MAPK9: variants seen among roughly 807,000 people sequenced by gnomAD.
MAPK9 encodes the protein Jun kinase.
In MAPK9, 30 loss-of-function variants were observed where a neutral mutation model predicts 57.1. That is an observed-to-expected ratio of 0.53 (90% CI 0.39 to 0.71). The LOEUF (loss-of-function observed/expected upper bound fraction) is 0.71, where lower values mean the gene tolerates loss of function less well. MAPK9 is among the 30% of genes least tolerant of loss of function. MAPK9 has a pLI of 0.00. For synonymous variants in MAPK9, 155 were observed against 177.0 expected (o/e 0.88, Z 0.99); for missense variants, 362 against 521.0 (o/e 0.69, Z 2.97).
chr5:180,267,561 CAAAAAA>C (rs34776289), intron 3 of MAPK9, among the ~76,000 whole-genome samples: 1 of 89,862 alleles, frequency 1.1e-5, no homozygotes. Flanking sequence ...GACTCCGTCT[CAAAAAA>C]AAAAAAAAAA....
chr5:180,243,437 G>A (rs1028833953), intron 7 of MAPK9, among the ~76,000 whole-genome samples: 1 of 152,194 alleles, frequency 6.6e-6, no homozygotes, highest in African/African-American at 2.4e-5. Context: ...TTTGTTCAAT[G>A]CAGACATTAC....
chr5:180,280,556 G>A lies in MAPK9; in HGVS notation c.6C>T (p.Ser2=), dbSNP rs779045924. ...AAAACTGACTGTCACATTTACTGTCGCTCATGATGCAGCGTCCTGCAATAT... is the reference window on the plus strand; with the variant it reads ...AAAACTGACTGTCACATTTACTGTCACTCATGATGCAGCGTCCTGCAATAT... M[S]DSKCDSQFYS... is the part of the protein sequence containing the mutation. Residue 2 remains serine (S), a synonymous_variant, in exon 2 of 12, where the codon AGC becomes AGT. Transcript: ENST00000452135. 8.1e-6 allele frequency: 13 copies of A among 1,613,624 alleles called. No individual in the cohort carries two copies. Among genetic ancestry groups the A allele is most frequent in the South Asian group, 7.7e-5 (7 of 90,974 alleles).
At chr5:180,244,403 T>C (rs1384657368) in intron 7 of MAPK9, among the ~76,000 whole-genome samples, 4 of 152,206 alleles carry the variant, frequency 2.6e-5, no homozygotes, top group Admixed American at 6.5e-5. Context: ...TGTTTTCTCC[T>C]ATGTTAACAC....
At chr5:180,243,599 C>T (rs1757828737) in intron 7 of MAPK9, among the ~76,000 whole-genome samples, 1 of 152,152 alleles carries the variant, frequency 6.6e-6, no homozygotes, top group African/African-American at 2.4e-5. Context: ...CTCACTGAGG[C>T]ATGTCTTAGA....
chr5:180,266,959 C>T lies in MAPK9; in HGVS notation c.253-2120G>A, dbSNP rs186460214. Among the ~76,000 whole-genome samples, 439 of 152,242 alleles carry T rather than the reference C, an allele frequency of 2.9e-3. 1 individual carries two copies. Among genetic ancestry groups the T allele is most frequent in the African/African-American group, 9.5e-3 (396 of 41,552 alleles). ...ACAAAACAATCTATCCAACAACAGG[C>T]GGCTGGCAGTCTCTTAAATAAATTA... On this transcript the variant is annotated intron_variant, in intron 3 of 11. Transcript: ENST00000452135.
At chr5:180,238,300 A>G (rs1440271649) in intron 11 of MAPK9, 32 bp downstream of exon 11, 2 of 1,562,772 alleles carry the variant, frequency 1.3e-6, no homozygotes, top group Non-Finnish European at 1.7e-6. Context: ...GGAAAGAAAA[A>G]TATCATACAA....
intron 10 of MAPK9, 135 bp downstream of exon 10, chr5:180,239,789 G>GGGGA: frequency 1.3e-6 from 1 of 744,272 alleles, no homozygotes; most frequent in Non-Finnish European, 2.3e-6. Context: ...ACTGGAAACT[G>GGGGA]GGGAGAAAGA....
At chr5:180,240,310 T>C (rs1318550395) in intron 9 of MAPK9, among the ~76,000 whole-genome samples, 2 of 152,254 alleles carry the variant, frequency 1.3e-5, no homozygotes, top group African/African-American at 4.8e-5. Context: ...CAAGGCACTG[T>C]GCTGGCAGCT....
chr5:180,238,458 T>TTTAG, intron 10 of MAPK9, 55 bp from the exon 11 acceptor site: 1 of 1,252,864 alleles, frequency 8.0e-7, no homozygotes, highest in Non-Finnish European at 1.2e-6. Context: ...AGTTTCACTG[T>TTTAG]ATCTCTAAAC....
intron 3 of MAPK9, among the ~76,000 whole-genome samples, chr5:180,267,981 C>T (rs775839383): frequency 6.6e-5 from 10 of 152,050 alleles, no homozygotes; most frequent in African/African-American, 2.2e-4. Context: ...TCCCACCTCA[C>T]CCTCCTTAAT....
intron 3 of MAPK9, among the ~76,000 whole-genome samples, chr5:180,268,856 T>C (rs1341384364): frequency 6.7e-6 from 1 of 149,852 alleles, no homozygotes; most frequent in Non-Finnish European, 1.5e-5. Flanking sequence ...CAATAAAAAA[T>C]AGGCCGGGCA....
chr5:180,261,503 C>G (rs1439861512), intron 5 of MAPK9, among the ~76,000 whole-genome samples, 181 bp downstream of exon 5: 2 of 152,222 alleles, frequency 1.3e-5, no homozygotes, highest in Admixed American at 6.5e-5. Context: ...CTGGTCTAGC[C>G]TGGCAGGCCA....
At chr5:180,241,845 G>A (rs1310669718) in intron 8 of MAPK9, among the ~76,000 whole-genome samples, 1 of 152,190 alleles carries the variant, frequency 6.6e-6, no homozygotes, top group Non-Finnish European at 1.5e-5. Context: ...CATGAGGCAC[G>A]GGGGAGTATT....
In MAPK9 at chr5:180,252,405, T is replaced by C. The variant is rs34408198; in HGVS notation, c.451-3267A>G. ...GGCCGTCTGGGGTCATTCTCCAGAA[T>C]CCATGCAGCTTCTTCAAGGGCTGGA... On this transcript the variant is annotated intron_variant, in intron 5 of 11. Transcript: ENST00000452135. Among the ~76,000 whole-genome samples, 363 of 152,242 alleles carry C rather than the reference T, an allele frequency of 2.4e-3. 2 individuals are homozygous for C. Among genetic ancestry groups the C allele is most frequent in the African/African-American group, 8.0e-3 (331 of 41,542 alleles).
At chr5:180,286,079 C>CAAAAAAA (rs56658635) in intron 1 of MAPK9, among the ~76,000 whole-genome samples, 1 of 117,694 alleles carries the variant, frequency 8.5e-6, no homozygotes, top group African/African-American at 3.3e-5. Context: ...GACTCCGTCT[C>CAAAAAAA]AAAAAAAAAA....
At chr5:180,271,596 T>C (rs1761323138) in intron 2 of MAPK9, among the ~76,000 whole-genome samples, 1 of 152,244 alleles carries the variant, frequency 6.6e-6, no homozygotes, top group South Asian at 2.1e-4. Context: ...CCATTTACCA[T>C]ATATTCATAA....
At position 180,284,502 on chromosome 5, in the gene MAPK9, G is replaced by A. The variant is rs574316605; in HGVS notation, c.-47-3894C>T. ...TGAGCTCAAGTTTGTTCACAGTATC[G>A]ACCGAGGCATGAGGAAACAGGCACT... On this transcript the variant is annotated intron_variant, in intron 1 of 11. Transcript: ENST00000452135. Among the ~76,000 whole-genome samples, 35 of 152,360 alleles carry A rather than the reference G, an allele frequency of 2.3e-4. No homozygotes were observed. In the South Asian group the frequency reaches 6.8e-3, roughly 30 times the overall value.
At chr5:180,248,911 C>T (rs894151868) in intron 6 of MAPK9, 62 bp downstream of exon 6, 6 of 1,510,846 alleles carry the variant, frequency 4.0e-6, no homozygotes, top group Admixed American at 4.4e-5. Flanking sequence ...AGAAAAAACT[C>T]GAGACCACCG....
At chr5:180,250,233 C>T (rs1758537968) in intron 5 of MAPK9, among the ~76,000 whole-genome samples, 1 of 152,250 alleles carries the variant, frequency 6.6e-6, no homozygotes, top group Non-Finnish European at 1.5e-5. Flanking sequence ...GCATCATATT[C>T]CACCTGACTT....
Sources: gnomAD v4.1 joint callset for allele counts (sites outside exome capture counted in the v4.1 genomes callset) on GRCh38, gnomAD v4.1.1 for gene constraint, MANE v1.5 for transcripts, NCBI Gene and HGNC (gene_info 2026-07-23, HGNC 2026-07-21) for gene names.